Variants in PLCH1 observed in about 807,000 individuals in gnomAD.
The protein encoded by PLCH1 is 1-phosphatidylinositol 4,5-bisphosphate phosphodiesterase eta-1.
A neutral mutation model predicts 126.7 loss-of-function variants in PLCH1; 60 were observed. The ratio of observed to expected loss-of-function variants is 0.47; its 90% CI spans 0.38 to 0.59. PLCH1 has a LOEUF of 0.59. Among genes scored for constraint, PLCH1 ranks in the 20% least tolerant of loss-of-function variants. PLCH1 has a pLI of 0.00. For missense variants in PLCH1, 1,723 were observed against 2,040.0 expected (o/e 0.84, Z 2.99); for synonymous variants, 719 against 734.9 (o/e 0.98, Z 0.35).
At chr3:155,571,676 G>A (rs981347145) in intron 6 of PLCH1, among the ~76,000 whole-genome samples, 1 of 152,192 alleles carries the variant, frequency 6.6e-6, no homozygotes, top group Non-Finnish European at 1.5e-5. Context: ...TGGGATTACA[G>A]GTGTGAGCCA....
chr3:155,481,912 C>T lies in PLCH1; in HGVS notation c.4114G>A (p.Gly1372Ser), dbSNP rs1714126093. 1.2e-6 allele frequency: 2 copies of T among 1,614,028 alleles called. No individual in the cohort carries two copies. The highest frequency in any genetic ancestry group is 1.7e-6 in the Non-Finnish European group (2 of 1,179,982). ...AAAGGAGAAGCAAGTTGACTTGTGC[C>T]CTCTCTCCTATATTCACAGGTTGTT... is the stretch of plus-strand genomic sequence containing the variant. ...SLTTCEYRREGTSQLASPLKL... is the reference protein window; with the variant it reads ...SLTTCEYRRESTSQLASPLKL... The change falls in exon 23 of 23, where the codon GGC (glycine) becomes AGC (serine). Residue 1372 changes from glycine to serine, a missense_variant. Physicochemically the swap from Gly to Ser is moderately conservative, Grantham distance 56 (BLOSUM62 0). Coordinates refer to ENST00000460012, the MANE Select transcript of PLCH1 (RefSeq NM_014996.4). The surrounding 1 kb of genome is among the most constrained non-coding windows in gnomAD (Gnocchi z 4.2).
intron 1 of PLCH1, among the ~76,000 whole-genome samples, chr3:155,717,889 A>G (rs1367806046): frequency 6.6e-6 from 1 of 152,174 alleles, no homozygotes; most frequent in Non-Finnish European, 1.5e-5. Flanking sequence ...TCTCCCAAAA[A>G]AAGTGTTTTC....
chr3:155,718,029 G>A (rs1196999438), intron 1 of PLCH1, among the ~76,000 whole-genome samples: 1 of 152,222 alleles, frequency 6.6e-6, no homozygotes, highest in Non-Finnish European at 1.5e-5. Context: ...GAAGCAGCCA[G>A]GTCACAACTT....
At chr3:155,676,210 T>A (rs1744071875) in intron 2 of PLCH1, 2 of 1,279,944 alleles carry the variant, frequency 1.6e-6, no homozygotes, top group Non-Finnish European at 2.0e-6. Context: ...GATGAGATCT[T>A]CACAATTCAG....
intron 21 of PLCH1, among the ~76,000 whole-genome samples, chr3:155,470,186 T>C (rs1713137014): frequency 6.6e-6 from 1 of 151,132 alleles, no homozygotes; most frequent in Admixed American, 6.6e-5. Flanking sequence ...GAAAAAAATT[T>C]AGAAGAATGT....
chr3:155,470,635 A>G, intron 21 of PLCH1, among the ~76,000 whole-genome samples: 1 of 152,156 alleles, frequency 6.6e-6, no homozygotes, highest in Admixed American at 6.5e-5. Context: ...CAGATTCACC[A>G]AAGTTCAAAT....
chr3:155,515,187 A>G (rs978825429), intron 11 of PLCH1, among the ~76,000 whole-genome samples: 6 of 152,242 alleles, frequency 3.9e-5, no homozygotes, highest in African/African-American at 1.4e-4. Flanking sequence ...TCTGATGCTT[A>G]GAGAGAAATC....
At chr3:155,455,703 T>C (rs1712420701) in intron 21 of PLCH1, among the ~76,000 whole-genome samples, 1 of 152,236 alleles carries the variant, frequency 6.6e-6, no homozygotes, top group African/African-American at 2.4e-5. Context: ...CAAAGCTGTT[T>C]CTTTTGAAGA....
intron 21 of PLCH1, among the ~76,000 whole-genome samples, chr3:155,467,073 A>C (rs948511852): frequency 1.3e-5 from 2 of 152,164 alleles, no homozygotes; most frequent in Admixed American, 6.5e-5. Context: ...GGGGGTAGAA[A>C]GTTTATTCAA....
At chr3:155,463,516 C>A (rs898872663) in intron 21 of PLCH1, among the ~76,000 whole-genome samples, 1 of 151,840 alleles carries the variant, frequency 6.6e-6, no homozygotes, top group East Asian at 1.9e-4. Flanking sequence ...GTTGGAATAA[C>A]CTTGCTCAGC....
At chr3:155,575,634 G>C (rs1729838796) in intron 6 of PLCH1, among the ~76,000 whole-genome samples, 1 of 152,168 alleles carries the variant, frequency 6.6e-6, no homozygotes, top group Non-Finnish European at 1.5e-5. Flanking sequence ...GGTAGCCTTT[G>C]CTCTTAGATA....
At chr3:155,715,948 T>C (rs950828222) in intron 1 of PLCH1, among the ~76,000 whole-genome samples, 1 of 152,194 alleles carries the variant, frequency 6.6e-6, no homozygotes, top group African/African-American at 2.4e-5. Context: ...TTTTCTAACC[T>C]TCTAATTTCA....
chr3:155,458,381 A>G (rs1356358441), intron 21 of PLCH1, among the ~76,000 whole-genome samples: 1 of 103,212 alleles, frequency 9.7e-6, no homozygotes. Flanking sequence ...AAAGAAAGAA[A>G]GAAAGAAGGA....
intron 5 of PLCH1, among the ~76,000 whole-genome samples, chr3:155,584,042 G>A (rs185836934): frequency 6.6e-6 from 1 of 151,822 alleles, no homozygotes; most frequent in African/African-American, 2.4e-5. Context: ...AATTACTAGA[G>A]AGCAAAGATT....
At chr3:155,684,149 G>A (rs1456487612) in intron 2 of PLCH1, among the ~76,000 whole-genome samples, 1 of 152,118 alleles carries the variant, frequency 6.6e-6, no homozygotes, top group Non-Finnish European at 1.5e-5. Flanking sequence ...TCAAATAGGA[G>A]ATACGCATGG....
intron 2 of PLCH1, among the ~76,000 whole-genome samples, chr3:155,673,833 A>T (rs1743806407): frequency 1.3e-5 from 2 of 152,220 alleles, no homozygotes; most frequent in East Asian, 3.8e-4. Flanking sequence ...CCATGGGGGA[A>T]ATTAGTAGCA....
chr3:155,610,198 A>G (rs1734856685), intron 2 of PLCH1, among the ~76,000 whole-genome samples: 2 of 151,928 alleles, frequency 1.3e-5, no homozygotes, highest in African/African-American at 4.8e-5. Flanking sequence ...CATTTCTAAT[A>G]AAAATACAAA....
chr3:155,489,583 A>C (rs1170968129), intron 19 of PLCH1, among the ~76,000 whole-genome samples: 5 of 152,196 alleles, frequency 3.3e-5, no homozygotes, highest in Admixed American at 2.0e-4. Context: ...ATTGATTCCC[A>C]GTAGCTTCTC....
chr3:155,674,115 C>T (rs1743839828), intron 2 of PLCH1, among the ~76,000 whole-genome samples: 3 of 152,228 alleles, frequency 2.0e-5, no homozygotes, highest in African/African-American at 4.8e-5. Context: ...AAAACACCTT[C>T]CTTACATGCC....
Sources: gnomAD v4.1 joint callset for allele counts (sites outside exome capture counted in the v4.1 genomes callset) on GRCh38, gnomAD v4.1.1 for gene constraint, Gnocchi (gnomAD v3.1) non-coding constraint, MANE v1.5 for transcripts, NCBI Gene and HGNC (gene_info 2026-07-23, HGNC 2026-07-21) for gene names.